FBXO47: variants seen among roughly 807,000 people sequenced by gnomAD.
The protein encoded by FBXO47 is F-box only protein 47.
Under a neutral mutation model 53.9 loss-of-function variants are expected in FBXO47, and 34 were observed. The ratio of observed to expected loss-of-function variants is 0.63; its 90% CI spans 0.48 to 0.84. FBXO47 has a LOEUF of 0.84. Ranked by LOEUF, FBXO47 falls within the 40% of genes least tolerant of loss-of-function variation. The pLI is 0.00. For synonymous variants in FBXO47, 165 were observed against 181.6 expected, an observed-to-expected ratio of 0.91 and a Z score of 0.73; for missense variants, 485 against 541.3, an observed-to-expected ratio of 0.90 and a Z score of 1.03.
chr17:38,944,798 G>A (rs1904670926), intron 7 of FBXO47, among the ~76,000 whole-genome samples, 162 bp downstream of exon 7: 1 of 151,144 alleles, frequency 6.6e-6, no homozygotes, highest in African/African-American at 2.4e-5. Context: ...TTGAACCCGG[G>A]AGGTGGAGGT....
chr17:38,957,263 T>C lies in FBXO47; in HGVS notation c.353-10A>G. ...CTTTTAAACAGTAGACCTAAGAAAGTAAAGAGACATAAGAAAAAATGACAA... is the reference window on the plus strand; with the variant it reads ...CTTTTAAACAGTAGACCTAAGAAAGCAAAGAGACATAAGAAAAAATGACAA... On this transcript the variant is annotated splice_polypyrimidine_tract_variant and intron_variant, in intron 3 of 10. Transcript: ENST00000378079. 1.3e-6 allele frequency: 2 copies of C among 1,580,916 alleles called. No individual in the cohort carries two copies. The highest frequency in any genetic ancestry group is 1.7e-6 in the Non-Finnish European group (2 of 1,151,618).
At chr17:38,947,051 AAC>A (rs1166917062) in intron 6 of FBXO47, among the ~76,000 whole-genome samples, 14 of 133,646 alleles carry the variant, frequency 1.0e-4, no homozygotes, top group Admixed American at 9.1e-4. Context: ...AATATATAAA[AAC>A]ATATATAAAT....
chr17:38,958,626 A>G (rs1199298497), intron 3 of FBXO47, among the ~76,000 whole-genome samples: 1 of 152,186 alleles, frequency 6.6e-6, no homozygotes, highest in Non-Finnish European at 1.5e-5. Context: ...ATGTCCTCAA[A>G]CTAAAAATAA....
chr17:38,962,947 A>T lies in FBXO47; in HGVS notation c.79T>A (p.Tyr27Asn). Residue 27 changes from tyrosine to asparagine, a missense_variant, in exon 2 of 11, where the codon TAT becomes AAT. Physicochemically the swap from Tyr to Asn is moderately radical, Grantham distance 143. Coordinates refer to ENST00000378079, the MANE Select transcript of FBXO47 (RefSeq NM_001008777.3). ...LRRSNRQTSC[Y>N]SKTLGSGFQP... ...AAGCCTGAGCCAAGGGTCTTGGAAT[A>T]ACAGCTGGTTTGACGATTACTACGT... The T allele has an allele frequency of 6.2e-7, 1 of 1,613,678 alleles. No homozygotes were observed. Among genetic ancestry groups the T allele is most frequent in the Non-Finnish European group, 8.5e-7 (1 of 1,179,674 alleles).
At position 38,962,911 on chromosome 17, in the gene FBXO47, A is replaced by G. The variant is rs1905882495; in HGVS notation, c.115T>C (p.Ser39Pro). The G allele has an allele frequency of 6.2e-7, 1 of 1,613,294 alleles. No individual in the cohort carries two copies. Among genetic ancestry groups the G allele is most frequent in the Admixed American group, 1.7e-5 (1 of 59,948 alleles). ...KTLGSGFQPISTFGNFKALPL... is the reference protein window; with the variant it reads ...KTLGSGFQPIPTFGNFKALPL... The stretch of plus-strand genomic sequence containing the variant: ...AAGGCTTTAAAATTTCCAAATGTTG[A>G]TATGGGTTGAAAGCCTGAGCCAAGG... Residue 39 changes from serine (S) to proline (P), a missense_variant, in exon 2 of 11, where the codon TCA becomes CCA. Physicochemically the swap from Ser to Pro is moderately conservative, Grantham distance 74. Coordinates refer to ENST00000378079, the MANE Select transcript of FBXO47 (RefSeq NM_001008777.3).
In FBXO47 at chr17:38,946,193, A is replaced by C. The variant is rs559675000; in HGVS notation, c.617-1057T>G. Among the ~76,000 whole-genome samples, 29 of 114,994 alleles carry C rather than the reference A, an allele frequency of 2.5e-4. No individual in the cohort carries two copies. In the South Asian group the frequency reaches 2.9e-3, roughly 11 times the overall value. The allele number at this position is 114,994 out of a possible 152,430, so 75.4% of individuals were successfully genotyped here. On this transcript the variant is annotated intron_variant, in intron 6 of 10. Coordinates refer to ENST00000378079, the MANE Select transcript of FBXO47 (RefSeq NM_001008777.3). Reference sequence around the variant, plus strand: ...ATATAAAAATATATATAAATATATAAAAATATATATAAATATATACAAAAA... The same window carrying C: ...ATATAAAAATATATATAAATATATACAAATATATATAAATATATACAAAAA...
At chr17:38,963,281 G>T (rs1445860877) in intron 1 of FBXO47, among the ~76,000 whole-genome samples, 2 of 151,812 alleles carry the variant, frequency 1.3e-5, no homozygotes, top group Non-Finnish European at 2.9e-5. Context: ...GAGTTCAAGT[G>T]GTTCTTCTGC....
At chr17:38,955,026 TAAGC>T (rs1905477591) in intron 4 of FBXO47, 93 bp from the exon 5 acceptor site, 2 of 948,658 alleles carry the variant, frequency 2.1e-6, no homozygotes, top group South Asian at 1.6e-5. Context: ...TTAATGGAAA[TAAGC>T]AAGAATTTTT....
At chr17:38,956,385 C>T (rs913484828) in intron 4 of FBXO47, among the ~76,000 whole-genome samples, 3 of 151,890 alleles carry the variant, frequency 2.0e-5, no homozygotes, top group Non-Finnish European at 2.9e-5. Context: ...GTCAGGAGTT[C>T]GAGACCAGAC....
intron 1 of FBXO47, among the ~76,000 whole-genome samples, chr17:38,964,542 G>A (rs1261347266): frequency 6.6e-6 from 1 of 151,966 alleles, no homozygotes; most frequent in Non-Finnish European, 1.5e-5. Context: ...GTTGCTGTGA[G>A]CCCAGCTAAT....
chr17:38,963,652 G>A (rs964211262), intron 1 of FBXO47, among the ~76,000 whole-genome samples: 1 of 152,038 alleles, frequency 6.6e-6, no homozygotes, highest in Non-Finnish European at 1.5e-5. Flanking sequence ...TATAGGCTGG[G>A]TATGGTGGCT....
intron 9 of FBXO47, among the ~76,000 whole-genome samples, chr17:38,939,874 A>G (rs1904431407): frequency 6.7e-6 from 1 of 150,144 alleles, no homozygotes; most frequent in African/African-American, 2.5e-5. Flanking sequence ...TCACCTTGTT[A>G]GCCAGGATGG....
chr17:38,939,293 CAAA>C (rs1218321299), intron 9 of FBXO47, among the ~76,000 whole-genome samples: 2 of 34,854 alleles, frequency 5.7e-5, no homozygotes, highest in South Asian at 1.7e-3. Flanking sequence ...ACTCCATCTC[CAAA>C]AAAAAAAAAA....
chr17:38,965,895 AAAT>A (rs1906091719), intron 1 of FBXO47, among the ~76,000 whole-genome samples: 1 of 151,120 alleles, frequency 6.6e-6, no homozygotes, highest in Admixed American at 6.6e-5. Context: ...AAAAAAAAAA[AAAT>A]AATTACACAA....
In FBXO47 at chr17:38,959,637, T is replaced by TGTGC. The variant is rs1299843199; in HGVS notation, c.352+2239_352+2240insGCAC. Among the ~76,000 whole-genome samples, 811 of 146,558 alleles carry TGTGC rather than the reference T, an allele frequency of 5.5e-3. 7 individuals carry two copies. Among genetic ancestry groups the TGTGC allele is most frequent in the African/African-American group, 0.02 (784 of 39,522 alleles). On this transcript the variant is annotated intron_variant, in intron 3 of 10. Transcript: ENST00000378079. The stretch of plus-strand genomic sequence containing the variant: ...TTCTTCAAAGCATTGTGTGTGTGTG[T>TGTGC]GTGTGTGTGTGTGTGTGTGTATGAA...
intron 3 of FBXO47, among the ~76,000 whole-genome samples, chr17:38,960,278 T>C (rs1031440080): frequency 6.7e-6 from 1 of 149,780 alleles, no homozygotes; most frequent in Non-Finnish European, 1.5e-5. Flanking sequence ...AAAAAAAAAA[T>C]AGTGAAAACA....
Position 38,945,948 on chromosome 17 carries a change from A to AAT in FBXO47, c.617-814_617-813dup, listed in dbSNP as rs1555560609. 4.0e-3 allele frequency among the ~76,000 whole-genome samples: 472 copies of AAT among 117,040 alleles called. 10 individuals carry two copies. Among genetic ancestry groups the AAT allele is most frequent in the East Asian group, 8.4e-3 (34 of 4,030 alleles). The allele number at this position is 117,040 out of a possible 152,430, so 76.8% of individuals were successfully genotyped here. A position where few individuals can be genotyped will look rare whatever the true frequency, so the allele number is the denominator to read the frequency against. ...GAGACTCTGGCTCAAAAAAAAAAAAAATATATATATATATATAAATATATA... is the reference window on the plus strand; with the variant it reads ...GAGACTCTGGCTCAAAAAAAAAAAAAATATATATATATATATATAAATATATA... On this transcript the variant is annotated intron_variant, in intron 6 of 10. Transcript: ENST00000378079.
intron 1 of FBXO47, 59 bp from the exon 2 acceptor site, chr17:38,963,110 G>GTT: frequency 8.9e-7 from 1 of 1,128,078 alleles, no homozygotes; most frequent in African/African-American, 1.6e-5. Flanking sequence ...GCAAGAAAGA[G>GTT]ATTTTTTTTT....
At chr17:38,939,977 T>A (rs1904437141) in intron 9 of FBXO47, among the ~76,000 whole-genome samples, 1 of 151,968 alleles carries the variant, frequency 6.6e-6, no homozygotes, top group African/African-American at 2.4e-5. Flanking sequence ...AAGGTTTCTT[T>A]ACTAACATCC....
Sources: allele counts gnomAD v4.1 joint callset (sites outside exome capture counted in the v4.1 genomes callset), GRCh38; gene constraint gnomAD v4.1.1; transcripts MANE v1.5; gene names NCBI Gene and HGNC (gene_info 2026-07-23, HGNC 2026-07-21).